IL6ST: variants seen among roughly 807,000 people sequenced by gnomAD.
IL6ST encodes interleukin-6 receptor subunit beta.
Under a neutral mutation model 91.3 loss-of-function variants are expected in IL6ST, and 24 were observed. That is an observed-to-expected ratio of 0.26 (90% CI 0.19 to 0.37). The LOEUF (loss-of-function observed/expected upper bound fraction) is 0.37, where lower values mean the gene tolerates loss of function less well. IL6ST is among the 10% of genes least tolerant of loss of function. IL6ST has a pLI of 1.00. For synonymous variants in IL6ST, 351 were observed against 373.6 expected (o/e 0.94, Z 0.70); for missense variants, 914 against 1,078.5 (o/e 0.85, Z 2.14).
rs1676031552 is a variant in IL6ST, at chr5:55,936,731, G to T, written c.*4351C>A. 1.6e-5 allele frequency: 3 copies of T among 191,782 alleles called. No homozygotes were observed. In the Admixed American group the frequency reaches 1.8e-4, roughly 12 times the overall value. 11.9% of individuals were successfully genotyped at this position (191,782 alleles called of 1,614,324 possible). On this transcript the variant is annotated 3_prime_UTR_variant, in exon 17 of 17. Coordinates refer to ENST00000381298, the MANE Select transcript of IL6ST (RefSeq NM_002184.4). ...TAGAACATTTAATATAACATTTGGA[G>T]TTATGTCAACATAAAAATAGCTGTG...
Position 55,936,500 on chromosome 5 carries a change from AT to A in IL6ST, c.*4581del, listed in dbSNP as rs914397200. 12 of 215,346 alleles carry A rather than the reference AT, an allele frequency of 5.6e-5. No individual in the cohort carries two copies. Among genetic ancestry groups the A allele is most frequent in the African/African-American group, 2.7e-4 (12 of 44,478 alleles). The allele number at this position is 215,346 out of a possible 1,614,324, so 13.3% of individuals were successfully genotyped here. A position where few individuals can be genotyped will look rare whatever the true frequency, so the allele number is the denominator to read the frequency against. On this transcript the variant is annotated 3_prime_UTR_variant, in exon 17 of 17. Transcript: ENST00000381298. ...AGATAGTGTACTGGTTTTCTTTTAA[AT>A]CACATTCCATTATGTCATTTAAAAT...
intron 8 of IL6ST, chr5:55,959,520 G>A: frequency 2.4e-6 from 1 of 415,966 alleles, no homozygotes; most frequent in Non-Finnish European, 4.1e-6. Context: ...AACATCAGAT[G>A]CTTTGCAGTG....
At position 55,945,503 on chromosome 5, in the gene IL6ST, G is replaced by C. The variant is rs965638620; in HGVS notation, c.1937+1990C>G. Among the ~76,000 whole-genome samples, 7 of 151,932 alleles carry C rather than the reference G, an allele frequency of 4.6e-5. No individual in the cohort carries two copies. In the East Asian group the frequency reaches 1.4e-3, roughly 29 times the overall value. On this transcript the variant is annotated intron_variant, in intron 15 of 16. Coordinates refer to ENST00000381298, the MANE Select transcript of IL6ST (RefSeq NM_002184.4). ...CCATGCACAAAAATAACCTGAAATG[G>C]ATCATAGACTAAGAGCTGAAACTAT...
At position 55,941,217 on chromosome 5, in the gene IL6ST, T is replaced by C. The variant is rs1750888632; in HGVS notation, c.2622A>G (p.Ala874=). The C allele has an allele frequency of 3.1e-6, 5 of 1,614,172 alleles. No homozygotes were observed. The highest frequency in any genetic ancestry group is 3.3e-4 in the Middle Eastern group (2 of 6,062). ...QMKMFQEVSA[A]DAFGPGTEGQ... is the part of the protein sequence containing the mutation. ...CCTCAGTACCTGGACCAAAAGCATCTGCTGCAGAAACTTCCTGAAACATTT... is the reference window on the plus strand; with the variant it reads ...CCTCAGTACCTGGACCAAAAGCATCCGCTGCAGAAACTTCCTGAAACATTT... Residue 874 remains alanine, a synonymous_variant, in exon 17 of 17, where the codon GCA becomes GCG. Coordinates refer to ENST00000381298, the MANE Select transcript of IL6ST (RefSeq NM_002184.4).
At chr5:55,968,675 A>T (rs905118045) in intron 4 of IL6ST, among the ~76,000 whole-genome samples, 39 of 152,212 alleles carry the variant, frequency 2.6e-4, no homozygotes, top group African/African-American at 9.2e-4. Context: ...TATAACTGGA[A>T]AAAAATATCA....
chr5:55,969,187 C>CAA (rs752365260), intron 4 of IL6ST, among the ~76,000 whole-genome samples: 6 of 79,360 alleles, frequency 7.6e-5, no homozygotes, highest in Non-Finnish European at 1.1e-4. Context: ...ACTCTGTCAC[C>CAA]AAAAAAAAAA....
At chr5:55,984,144 G>A (rs1753820880) in intron 1 of IL6ST, among the ~76,000 whole-genome samples, 1 of 152,138 alleles carries the variant, frequency 6.6e-6, no homozygotes, top group Non-Finnish European at 1.5e-5. Flanking sequence ...CGTTATTAAA[G>A]TGCAAAAGCA....
intron 1 of IL6ST, among the ~76,000 whole-genome samples, chr5:55,983,431 C>T (rs2111904372): frequency 6.6e-6 from 1 of 152,296 alleles, no homozygotes; most frequent in South Asian, 2.1e-4. Context: ...CATATTTCTT[C>T]TTCTACTAGC....
Position 55,980,312 on chromosome 5 carries a change from G to C in IL6ST, c.-16+2412C>G, listed in dbSNP as rs1047374326. 1.6e-4 allele frequency among the ~76,000 whole-genome samples: 24 copies of C among 152,176 alleles called. 1 individual carries two copies. The highest frequency in any genetic ancestry group is 3.2e-4 in the Non-Finnish European group (22 of 68,032). ...CGCCTGTAATCCCAGCACTCAGGGA[G>C]GCCGAGGTGGGTGGATCATCTGAGG... On this transcript the variant is annotated intron_variant, in intron 2 of 16. Coordinates refer to ENST00000381298, the MANE Select transcript of IL6ST (RefSeq NM_002184.4).
chr5:55,987,728 T>C (rs896896205), intron 1 of IL6ST, among the ~76,000 whole-genome samples: 1 of 152,238 alleles, frequency 6.6e-6, no homozygotes, highest in African/African-American at 2.4e-5. Flanking sequence ...AAATAACTCA[T>C]TATACATAAA....
intron 15 of IL6ST, among the ~76,000 whole-genome samples, chr5:55,946,824 A>G (rs1481525302): frequency 6.6e-6 from 1 of 152,176 alleles, no homozygotes; most frequent in Non-Finnish European, 1.5e-5. Flanking sequence ...TCAAAAAAAA[A>G]AAAAGGGAGA....
At chr5:55,956,666 T>C (rs921332863) in intron 9 of IL6ST, among the ~76,000 whole-genome samples, 1 of 152,228 alleles carries the variant, frequency 6.6e-6, no homozygotes, top group African/African-American at 2.4e-5. Context: ...CCTCTTCTTA[T>C]AGAACTTATA....
chr5:55,946,629 C>T (rs868763671), intron 15 of IL6ST, among the ~76,000 whole-genome samples: 7 of 152,010 alleles, frequency 4.6e-5, no homozygotes, highest in Non-Finnish European at 8.8e-5. Context: ...CCAGCCTGGC[C>T]AACATGATGA....
intron 6 of IL6ST, 81 bp downstream of exon 6, chr5:55,964,065 A>C (rs1752493293): frequency 2.9e-6 from 2 of 678,896 alleles, no homozygotes; most frequent in Non-Finnish European, 4.5e-6. Flanking sequence ...TAAAATCTTA[A>C]AAAATCTAAA....
At chr5:55,970,981 T>C (rs537856551) in intron 3 of IL6ST, among the ~76,000 whole-genome samples, 19 of 152,102 alleles carry the variant, frequency 1.2e-4, no homozygotes, top group Non-Finnish European at 2.4e-4. Flanking sequence ...CACAACTACA[T>C]GCTTTACCTA....
intron 4 of IL6ST, among the ~76,000 whole-genome samples, chr5:55,969,171 A>T (rs1344842988): frequency 6.9e-6 from 1 of 145,464 alleles, no homozygotes; most frequent in Non-Finnish European, 1.5e-5. Context: ...TGGGTGACAG[A>T]GCGAGACTCT....
At chr5:55,951,419 C>T in intron 14 of IL6ST, 45 bp downstream of exon 14, 1 of 1,473,020 alleles carries the variant, frequency 6.8e-7, no homozygotes, top group Non-Finnish European at 9.4e-7. Flanking sequence ...TCATTTCTAA[C>T]CTAAGTTTGA....
intron 1 of IL6ST, among the ~76,000 whole-genome samples, chr5:55,983,277 C>T (rs114619668): frequency 1.9e-3 from 294 of 152,278 alleles, no homozygotes; most frequent in African/African-American, 6.9e-3. Context: ...TGAGCCACCG[C>T]GCCCAGCCCT....
At chr5:55,977,985 C>G (rs1265586000) in intron 2 of IL6ST, among the ~76,000 whole-genome samples, 1 of 150,440 alleles carries the variant, frequency 6.6e-6, no homozygotes, top group Non-Finnish European at 1.5e-5. Flanking sequence ...GGCAACAAAG[C>G]GAAATTCTAT....
Sources: gnomAD v4.1 joint callset for allele counts (sites outside exome capture counted in the v4.1 genomes callset) on GRCh38, gnomAD v4.1.1 for gene constraint, MANE v1.5 for transcripts, NCBI Gene and HGNC (gene_info 2026-07-23, HGNC 2026-07-21) for gene names.